Variants in KLHL13 observed in about 807,000 individuals in gnomAD.
The protein encoded by KLHL13 is kelch-like protein 13.
Under a neutral mutation model 37.1 loss-of-function variants are expected in KLHL13, and 10 were observed. That is an observed-to-expected ratio of 0.27 (90% CI 0.17 to 0.46). The LOEUF (loss-of-function observed/expected upper bound fraction) is 0.46. Ranked by LOEUF, KLHL13 falls within the 20% of genes least tolerant of loss-of-function variation. The pLI is 1.00. For missense variants in KLHL13, 360 were observed against 509.3 expected, an observed-to-expected ratio of 0.71 and a Z score of 2.82; for synonymous variants, 163 against 181.2, an observed-to-expected ratio of 0.90 and a Z score of 0.81.
chrX:117,992,527 T>C (rs2053806116), intron 1 of KLHL13, among the ~76,000 whole-genome samples: 1 of 111,286 alleles, frequency 9.0e-6, no homozygotes, highest in Admixed American at 9.5e-5. Context: ...AACATATACC[T>C]TCCCCCCATC....
chrX:118,089,605 AGAGAGAGAAAGAAAG>A (rs2055096529), intron 1 of KLHL13, among the ~76,000 whole-genome samples: 6 of 84,993 alleles, frequency 7.1e-5, no homozygotes, highest in African/African-American at 2.8e-4. Context: ...AGAGAGAGAG[AGAGAGAGAAAGAAAG>A]AGAAAGAAAG....
chrX:117,980,467 C>T (rs1250953250), intron 1 of KLHL13, among the ~76,000 whole-genome samples: 1 of 111,675 alleles, frequency 9.0e-6, no homozygotes. Flanking sequence ...GTTATTACAA[C>T]ATTCACATGT....
chrX:118,099,919 A>AAAGGAAGGAAGAAAGG (rs2055268185), intron 1 of KLHL13, among the ~76,000 whole-genome samples: 13 of 102,197 alleles, frequency 1.3e-4, no homozygotes, highest in African/African-American at 5.0e-4. Context: ...AGGAAGGAAG[A>AAAGGAAGGAAGAAAGG]AAGGAAGGAA....
At chrX:118,037,124 G>A (rs1268542877) in intron 1 of KLHL13, among the ~76,000 whole-genome samples, 1 of 93,576 alleles carries the variant, frequency 1.1e-5, no homozygotes, top group African/African-American at 4.0e-5. Context: ...GGAGAAATAG[G>A]AACACTTTTA....
intron 1 of KLHL13, among the ~76,000 whole-genome samples, chrX:118,083,161 G>C (rs1039808427): frequency 9.0e-6 from 1 of 111,421 alleles, no homozygotes; most frequent in Non-Finnish European, 1.9e-5. Flanking sequence ...GGATCACCTT[G>C]GGTAGCCAAT....
chrX:118,018,424 T>G (rs1360984215), intron 1 of KLHL13, among the ~76,000 whole-genome samples: 1 of 111,834 alleles, frequency 8.9e-6, no homozygotes, highest in African/African-American at 3.2e-5. Flanking sequence ...AGAACAAATA[T>G]AGATTTTTTA....
intron 1 of KLHL13, among the ~76,000 whole-genome samples, chrX:118,053,676 G>A (rs1484911110): frequency 9.1e-6 from 1 of 109,418 alleles, no homozygotes; most frequent in Admixed American, 9.8e-5. Flanking sequence ...ACAAAGGTGA[G>A]CAATCCTGTG....
chrX:118,032,768 A>C (rs1165969734), intron 1 of KLHL13, among the ~76,000 whole-genome samples: 4 of 112,361 alleles, frequency 3.6e-5, no homozygotes, highest in Non-Finnish European at 7.5e-5. Context: ...TGAGAGAAGA[A>C]GGCTTCAGAC....
At chrX:118,039,089 C>T (rs1195328222) in intron 1 of KLHL13, among the ~76,000 whole-genome samples, 1 of 112,280 alleles carries the variant, frequency 8.9e-6, no homozygotes, top group East Asian at 2.8e-4. Context: ...GGACCCAGTC[C>T]TAAGCAGGAT....
chrX:117,942,159 T>C (rs967458459), intron 2 of KLHL13, among the ~76,000 whole-genome samples: 1 of 112,018 alleles, frequency 8.9e-6, no homozygotes, highest in Non-Finnish European at 1.9e-5. Context: ...AGTTTCTTAA[T>C]CCTGAGTTCT....
At chrX:117,898,778 C>A (rs1182972771) in exon 7 of KLHL13, 2 of 773,487 alleles carry the variant, frequency 2.6e-6, no homozygotes, top group Admixed American at 6.5e-5. Flanking sequence ...TCAATGTTGT[C>A]TTTTTTCCAA....
chrX:118,061,155 A>C (rs767027835), intron 1 of KLHL13, among the ~76,000 whole-genome samples: 2 of 111,991 alleles, frequency 1.8e-5, no homozygotes, highest in Non-Finnish European at 3.8e-5. Context: ...AAGTGTTTTT[A>C]AATCATAAAT....
chrX:117,937,959 T>C (rs1307456253), intron 2 of KLHL13, among the ~76,000 whole-genome samples: 2 of 112,180 alleles, frequency 1.8e-5, no homozygotes, highest in Non-Finnish European at 3.8e-5. Context: ...TAGATTTCTT[T>C]ATTCTGGACA....
At chrX:118,082,041 C>T (rs1306509247) in intron 1 of KLHL13, among the ~76,000 whole-genome samples, 1 of 108,209 alleles carries the variant, frequency 9.2e-6, no homozygotes, top group African/African-American at 3.4e-5. Context: ...GATTTCATAT[C>T]CTGGCTATTG....
At chrX:118,104,048 TAAA>T (rs60645250) in intron 1 of KLHL13, among the ~76,000 whole-genome samples, 548 of 42,539 alleles carry the variant, frequency 0.013, 9 homozygotes, top group African/African-American at 0.047. Flanking sequence ...TCATTTCCAC[TAAA>T]AAAAAAAAAA....
In KLHL13 at chrX:117,932,905, TCTAA is replaced by T. The variant is rs1327960480; in HGVS notation, c.240+12525_240+12528del. ...ATTTTGCCTTTTTTATAATAACCAT[TCTAA>T]CTGAGATGAGATGATTTTGCATTGT... On this transcript the variant is annotated intron_variant, in intron 2 of 6. Transcript: ENST00000262820. Among the ~76,000 whole-genome samples, 6 of 111,884 alleles carry T rather than the reference TCTAA, an allele frequency of 5.4e-5. No individual in the cohort carries two copies. The Admixed American group carries it at 5.7e-4, about 11-fold the overall frequency.
chrX:118,069,109 T>TCACACACACACA (rs771534683), intron 1 of KLHL13, among the ~76,000 whole-genome samples: 1,415 of 83,950 alleles, frequency 0.017, 32 homozygotes, highest in African/African-American at 0.042. Flanking sequence ...TCCAGAAGAG[T>TCACACACACACA]CACACACACA....
At chrX:117,998,490 A>C (rs1011661776) in intron 1 of KLHL13, among the ~76,000 whole-genome samples, 2 of 111,477 alleles carry the variant, frequency 1.8e-5, no homozygotes, top group African/African-American at 6.5e-5. Flanking sequence ...AAAAAAAAAC[A>C]CAAGAATCAA....
chrX:118,043,551 GTTT>G (rs1268483446), intron 1 of KLHL13, among the ~76,000 whole-genome samples: 1 of 111,748 alleles, frequency 8.9e-6, no homozygotes, highest in East Asian at 2.8e-4. Context: ...GATCAAATGG[GTTT>G]TGCCCCAGGG....
Sources: gnomAD v4.1 joint callset for allele counts (sites outside exome capture counted in the v4.1 genomes callset) on GRCh38, gnomAD v4.1.1 for gene constraint, MANE v1.5 for transcripts, NCBI Gene and HGNC (gene_info 2026-07-23, HGNC 2026-07-21) for gene names.